The following STPG2 variants were observed in gnomAD, a reference collection of about 807,000 sequenced individuals.
The protein encoded by STPG2 is sperm-tail PG-rich repeat-containing protein 2.
A neutral mutation model predicts 54.2 loss-of-function variants in STPG2; 56 were observed. That is an observed-to-expected ratio of 1.03 (90% CI 0.83 to 1.29). The LOEUF (loss-of-function observed/expected upper bound fraction) is 1.29, where lower values mean the gene tolerates loss of function less well. STPG2 is among the 50% of genes most tolerant of loss of function. The pLI is 0.00. For missense variants in STPG2, 596 were observed against 544.9 expected, an observed-to-expected ratio of 1.09 and a Z score of -0.93; for synonymous variants, 200 against 181.8, an observed-to-expected ratio of 1.10 and a Z score of -0.81.
At chr4:97,459,440 G>GTTTTTTTTTT (rs564314656) in intron 4 of STPG2, among the ~76,000 whole-genome samples, 15 of 122,488 alleles carry the variant, frequency 1.2e-4, no homozygotes, top group Non-Finnish European at 2.1e-4. Flanking sequence ...GTTTTTTTTT[G>GTTTTTTTTTT]TTTTTTTTTT....
chr4:98,102,683 C>A (rs1260339436), intron 5 of STPG2, among the ~76,000 whole-genome samples: 2 of 151,872 alleles, frequency 1.3e-5, no homozygotes, highest in Non-Finnish European at 2.9e-5. Flanking sequence ...ATGCTCCCCC[C>A]AAAATTAAAA....
chr4:97,697,631 C>G (rs537230031), intron 10 of STPG2, among the ~76,000 whole-genome samples: 1 of 152,274 alleles, frequency 6.6e-6, no homozygotes, highest in Non-Finnish European at 1.5e-5. Context: ...GGAACAGGCC[C>G]CCAAATCTGG....
intron 10 of STPG2, among the ~76,000 whole-genome samples, chr4:97,688,843 A>T (rs1006420491): frequency 1.3e-5 from 2 of 152,318 alleles, no homozygotes; most frequent in African/African-American, 4.8e-5. Context: ...TAATTAAAAA[A>T]TTATTTTCTG....
At chr4:98,056,298 C>T (rs1737483315) in intron 5 of STPG2, among the ~76,000 whole-genome samples, 1 of 152,106 alleles carries the variant, frequency 6.6e-6, no homozygotes, top group Non-Finnish European at 1.5e-5. Flanking sequence ...CATCCCCAAG[C>T]CAACACCACC....
At position 97,854,813 on chromosome 4, in the gene STPG2, C is replaced by T. The variant is rs151019657; in HGVS notation, c.1045-13881G>A. ...GGTTTGTTACATAGGTAAACAAGTG[C>T]AATTTTGGTTTGCTGAACAGATCAT... On this transcript the variant is annotated intron_variant, in intron 8 of 10. Transcript: ENST00000295268. Among the ~76,000 whole-genome samples, 641 of 152,134 alleles carry T rather than the reference C, an allele frequency of 4.2e-3. 3 individuals carry two copies. Among genetic ancestry groups the T allele is most frequent in the South Asian group, 0.024 (115 of 4,822 alleles).
intron 8 of STPG2, among the ~76,000 whole-genome samples, chr4:97,896,983 T>A (rs1379377523): frequency 6.6e-6 from 1 of 151,936 alleles, no homozygotes; most frequent in Non-Finnish European, 1.5e-5. Flanking sequence ...GAGGGTTTGT[T>A]GCACAAATTA....
At chr4:98,057,241 T>C (rs1011215590) in intron 5 of STPG2, among the ~76,000 whole-genome samples, 4 of 152,110 alleles carry the variant, frequency 2.6e-5, no homozygotes, top group Non-Finnish European at 5.9e-5. Context: ...ATTCAGAATA[T>C]GGATAGGAAT....
At chr4:97,533,442 G>C (rs2148854926) in intron 4 of STPG2, among the ~76,000 whole-genome samples, 1 of 151,768 alleles carries the variant, frequency 6.6e-6, no homozygotes, top group East Asian at 1.9e-4. Flanking sequence ...TTAAAGTGTA[G>C]TTTATATATA....
chr4:97,645,627 C>A (rs940240708), intron 10 of STPG2, among the ~76,000 whole-genome samples: 1 of 151,974 alleles, frequency 6.6e-6, no homozygotes, highest in African/African-American at 2.4e-5. Context: ...GGTTGGCAAC[C>A]CTTTGTTGCT....
intron 9 of STPG2, among the ~76,000 whole-genome samples, chr4:97,736,293 G>A (rs182314559): frequency 2.6e-4 from 39 of 152,308 alleles, no homozygotes; most frequent in African/African-American, 8.9e-4. Context: ...CAGAAGATGG[G>A]TGATTTCTGC....
In STPG2 at chr4:97,552,752, T is replaced by C. The variant is rs189000167; in HGVS notation, c.462+159947A>G. On this transcript the variant is annotated intron_variant, in intron 4 of 4. Coordinates refer to the STPG2 transcript ENST00000522676. ...CTAATGTAAAGAAAAAAATGAAAGA[T>C]ATTGAGTTTACAGATACAAATACTA... 3.9e-5 allele frequency among the ~76,000 whole-genome samples: 6 copies of C among 152,284 alleles called. No individual in the cohort carries two copies. In the East Asian group the frequency reaches 7.7e-4, roughly 20 times the overall value.
intron 1 of STPG2, among the ~76,000 whole-genome samples, chr4:98,136,242 A>G (rs1206523412): frequency 6.6e-6 from 1 of 151,666 alleles, no homozygotes; most frequent in African/African-American, 2.4e-5. Flanking sequence ...TTTTTTCTCA[A>G]TTCTTAATCC....
chr4:97,626,015 G>A (rs1384112419), intron 10 of STPG2, among the ~76,000 whole-genome samples: 8 of 152,172 alleles, frequency 5.3e-5, no homozygotes, highest in Admixed American at 2.6e-4. Context: ...CATAACTGCT[G>A]TGAAAAGTTA....
intron 5 of STPG2, among the ~76,000 whole-genome samples, chr4:98,024,474 A>T (rs1473089665): frequency 6.6e-6 from 1 of 152,202 alleles, no homozygotes; most frequent in Non-Finnish European, 1.5e-5. Context: ...CTATAAAATT[A>T]AATCAACGAA....
In STPG2 at chr4:97,676,149, C is replaced by T. The variant is rs113266205; in HGVS notation, c.1320+36550G>A. On this transcript the variant is annotated intron_variant, in intron 10 of 10. Transcript: ENST00000295268. ...ATATTTTTTTGCTTAGCTCTACTGG[C>T]ACACATAGTTGATACATGGAGTTTT... Among the ~76,000 whole-genome samples the T allele has an allele frequency of 4.1e-3, 615 of 149,374 alleles. 3 individuals carry two copies. The highest frequency in any genetic ancestry group is 0.021 in the South Asian group (98 of 4,730).
intron 4 of STPG2, among the ~76,000 whole-genome samples, chr4:97,485,532 G>T (rs1463802825): frequency 6.6e-6 from 1 of 151,438 alleles, no homozygotes; most frequent in African/African-American, 2.4e-5. Flanking sequence ...GAAAACTGCA[G>T]AACACTGATG....
chr4:97,513,871 G>T (rs951899895), intron 4 of STPG2, among the ~76,000 whole-genome samples: 5 of 152,058 alleles, frequency 3.3e-5, no homozygotes, highest in African/African-American at 1.2e-4. Context: ...TGCCTATCTA[G>T]CCAATGTCAC....
chr4:98,075,357 C>T (rs1265993735), intron 5 of STPG2, among the ~76,000 whole-genome samples: 1 of 152,204 alleles, frequency 6.6e-6, no homozygotes, highest in Non-Finnish European at 1.5e-5. Context: ...CTCTTGGTTC[C>T]TGAATCATTG....
chr4:97,488,410 G>T (rs1730423416), intron 4 of STPG2, among the ~76,000 whole-genome samples: 1 of 151,640 alleles, frequency 6.6e-6, no homozygotes, highest in Non-Finnish European at 1.5e-5. Flanking sequence ...CTATTTTGCT[G>T]AAGATCAAAC....
Sources: gnomAD v4.1 joint callset for allele counts (sites outside exome capture counted in the v4.1 genomes callset) on GRCh38, gnomAD v4.1.1 for gene constraint, MANE v1.5 for transcripts, NCBI Gene and HGNC (gene_info 2026-07-23, HGNC 2026-07-21) for gene names.